Variants in GRK5 observed in about 807,000 individuals in gnomAD.
The protein encoded by GRK5 is G protein-coupled receptor kinase 5.
GRK5 carries 40 observed loss-of-function variants against 78.4 expected under a neutral mutation model. The observed-to-expected ratio is 0.51, with a 90% CI of 0.40 to 0.66. GRK5 has a LOEUF of 0.66. Ranked by LOEUF, GRK5 falls within the 30% of genes least tolerant of loss-of-function variation. GRK5 has a pLI of 0.00. For synonymous variants in GRK5, 289 were observed against 296.8 expected, an observed-to-expected ratio of 0.97 and a Z score of 0.27; for missense variants, 598 against 759.9, an observed-to-expected ratio of 0.79 and a Z score of 2.50.
chr10:119,443,013 C>T (rs1853069108), intron 11 of GRK5, among the ~76,000 whole-genome samples: 1 of 152,106 alleles, frequency 6.6e-6, no homozygotes, highest in Non-Finnish European at 1.5e-5. Flanking sequence ...ATCTGTCTGC[C>T]CCGGCTCTTG....
intron 1 of GRK5, among the ~76,000 whole-genome samples, chr10:119,291,558 CTCCTCCTCCTCT>C (rs1849957019): frequency 3.4e-5 from 5 of 147,436 alleles, no homozygotes; most frequent in Admixed American, 2.0e-4. Context: ...CCTCCTCTTC[CTCCTCCTCCTCT>C]TCCTCCTCCT....
chr10:119,231,688 C>T (rs1292361305), intron 1 of GRK5, among the ~76,000 whole-genome samples: 1 of 131,134 alleles, frequency 7.6e-6, no homozygotes, highest in Non-Finnish European at 1.6e-5. Context: ...GCCTGAGTGA[C>T]AGAGCAAGAC....
At chr10:119,316,436 T>C (rs1850487833) in intron 1 of GRK5, among the ~76,000 whole-genome samples, 2 of 152,104 alleles carry the variant, frequency 1.3e-5, no homozygotes, top group African/African-American at 4.8e-5. Context: ...AGTGCAGACA[T>C]CACAAATGAA....
intron 13 of GRK5, among the ~76,000 whole-genome samples, chr10:119,450,881 G>A (rs12569607): frequency 0.24 from 35,962 of 151,926 alleles, 4,477 homozygotes; most frequent in East Asian, 0.45. Context: ...CCTGGAGTGC[G>A]AAGCCGCTGT....
At chr10:119,408,341 CAAAAAAAA>C (rs67973033) in intron 4 of GRK5, among the ~76,000 whole-genome samples, 1 of 48,694 alleles carries the variant, frequency 2.1e-5, no homozygotes, top group Non-Finnish European at 3.5e-5. Context: ...AACCCTGTCT[CAAAAAAAA>C]AAAAAAAAAA....
intron 1 of GRK5, among the ~76,000 whole-genome samples, chr10:119,320,024 A>T (rs1850556801): frequency 6.6e-6 from 1 of 152,224 alleles, no homozygotes; most frequent in Non-Finnish European, 1.5e-5. Context: ...AGAGGATGTG[A>T]TCCAGACAGG....
chr10:119,349,027 C>A (rs1244936590), intron 2 of GRK5, among the ~76,000 whole-genome samples: 1 of 152,096 alleles, frequency 6.6e-6, no homozygotes, highest in Non-Finnish European at 1.5e-5. Context: ...CTTCCGTCAC[C>A]CTCCGCCCTC....
At chr10:119,447,541 T>C (rs1278427366) in intron 12 of GRK5, among the ~76,000 whole-genome samples, 1 of 152,120 alleles carries the variant, frequency 6.6e-6, no homozygotes, top group Non-Finnish European at 1.5e-5. Flanking sequence ...CCTGCAAGAC[T>C]CAACTTAAAT....
At chr10:119,402,005 C>A (rs1852159629) in intron 4 of GRK5, among the ~76,000 whole-genome samples, 1 of 152,310 alleles carries the variant, frequency 6.6e-6, no homozygotes. Flanking sequence ...CCTGTGGCCC[C>A]ACCATCTGGA....
At chr10:119,449,021 A>G (rs1285020872) in intron 13 of GRK5, among the ~76,000 whole-genome samples, 2 of 152,042 alleles carry the variant, frequency 1.3e-5, no homozygotes, top group East Asian at 3.9e-4. Context: ...GGCTCCTGCC[A>G]CGCTCCCGCG....
chr10:119,395,910 G>A (rs1368057240), intron 3 of GRK5, among the ~76,000 whole-genome samples: 4 of 152,132 alleles, frequency 2.6e-5, no homozygotes, highest in Non-Finnish European at 4.4e-5. Context: ...ACCTACAGAC[G>A]AGGGGTTGGG....
At chr10:119,293,439 A>G (rs922030130) in intron 1 of GRK5, among the ~76,000 whole-genome samples, 4 of 151,936 alleles carry the variant, frequency 2.6e-5, no homozygotes, top group African/African-American at 9.6e-5. Context: ...ATTGAGGAGC[A>G]GAGATGGGGT....
Position 119,407,901 on chromosome 10 carries a change from C to T in GRK5, c.339+11129C>T, listed in dbSNP as rs1025441366. ...TTGGGGGGCTGGGTGTGGTGGCTCA[C>T]GCCTGTAATTCCAGCACTTTGGGAG... On this transcript the variant is annotated intron_variant, in intron 4 of 15. Transcript: ENST00000392870. Among the ~76,000 whole-genome samples the T allele has an allele frequency of 2.6e-5, 4 of 151,984 alleles. No homozygotes were observed. The East Asian group carries it at 5.8e-4, about 22-fold the overall frequency.
intron 4 of GRK5, among the ~76,000 whole-genome samples, chr10:119,406,662 C>T (rs762288146): frequency 6.6e-6 from 1 of 152,254 alleles, no homozygotes; most frequent in African/African-American, 2.4e-5. Flanking sequence ...GGCTGGGCAG[C>T]TGCCCCTGCT....
At chr10:119,391,159 A>G (rs559909400) in intron 3 of GRK5, among the ~76,000 whole-genome samples, 57 of 152,276 alleles carry the variant, frequency 3.7e-4, no homozygotes, top group African/African-American at 1.3e-3. Flanking sequence ...CATCCCATCT[A>G]TTGCCCTAAG....
At chr10:119,351,705 G>GA (rs1259734185) in intron 2 of GRK5, among the ~76,000 whole-genome samples, 1 of 152,186 alleles carries the variant, frequency 6.6e-6, no homozygotes, top group Non-Finnish European at 1.5e-5. Context: ...CTGGTATCTG[G>GA]AAAAAATAAG....
At chr10:119,291,558 C>CTCCTCCTCCTCT (rs1849957019) in intron 1 of GRK5, among the ~76,000 whole-genome samples, 9 of 147,524 alleles carry the variant, frequency 6.1e-5, no homozygotes, top group Admixed American at 5.4e-4. Context: ...CCTCCTCTTC[C>CTCCTCCTCCTCT]TCCTCCTCCT....
At chr10:119,401,372 A>G (rs1303970641) in intron 4 of GRK5, among the ~76,000 whole-genome samples, 6 of 152,170 alleles carry the variant, frequency 3.9e-5, no homozygotes, top group African/African-American at 1.4e-4. Flanking sequence ...TCGCCCATAC[A>G]AGGCCAGCTT....
rs541501845 is a variant in GRK5, at chr10:119,397,791, G to A, written c.339+1019G>A. ...TGGTAGTGGCCATTGCCCTTGCAGGGTGAGACCAGCCTCACGCCCAGAAGT... is the reference window on the plus strand; with the variant it reads ...TGGTAGTGGCCATTGCCCTTGCAGGATGAGACCAGCCTCACGCCCAGAAGT... On this transcript the variant is annotated intron_variant, in intron 4 of 15. Coordinates refer to ENST00000392870, the MANE Select transcript of GRK5 (RefSeq NM_005308.3). 2.0e-5 allele frequency among the ~76,000 whole-genome samples: 3 copies of A among 152,334 alleles called. No homozygotes were observed. In the South Asian group the frequency reaches 6.2e-4, roughly 32 times the overall value.
Sources: gnomAD v4.1 joint callset for allele counts (sites outside exome capture counted in the v4.1 genomes callset) on GRCh38, gnomAD v4.1.1 for gene constraint, MANE v1.5 for transcripts, NCBI Gene and HGNC (gene_info 2026-07-23, HGNC 2026-07-21) for gene names.